Variants in RAP1GDS1 observed in about 807,000 individuals in gnomAD.
RAP1GDS1 encodes the protein Rap1 GTPase-GDP dissociation stimulator 1, also known as RAP1, GTP-GDP dissociation stimulator 1.
A neutral mutation model predicts 71.1 loss-of-function variants in RAP1GDS1; 35 were observed. The observed-to-expected ratio is 0.49, with a 90% CI of 0.38 to 0.65. The LOEUF (loss-of-function observed/expected upper bound fraction) is 0.65. RAP1GDS1 is among the 30% of genes least tolerant of loss of function. RAP1GDS1 has a pLI of 0.00. For missense variants in RAP1GDS1, 663 were observed against 706.1 expected (o/e 0.94, Z 0.69); for synonymous variants, 229 against 243.1 (o/e 0.94, Z 0.54).
At chr4:98,325,565 A>G (rs1732889185) in intron 2 of RAP1GDS1, among the ~76,000 whole-genome samples, 1 of 150,786 alleles carries the variant, frequency 6.6e-6, no homozygotes, top group Admixed American at 6.6e-5. Context: ...AATGTGGCAC[A>G]TATACACCAT....
chr4:98,422,252 C>G (rs1470112386), intron 12 of RAP1GDS1, among the ~76,000 whole-genome samples: 1 of 152,044 alleles, frequency 6.6e-6, no homozygotes, highest in Non-Finnish European at 1.5e-5. Context: ...GAGTCTTGCT[C>G]TCTCGCTCAG....
chr4:98,264,253 G>A (rs553053624), intron 1 of RAP1GDS1, among the ~76,000 whole-genome samples: 2 of 152,186 alleles, frequency 1.3e-5, no homozygotes, highest in African/African-American at 2.4e-5. Flanking sequence ...ACAATTAGCC[G>A]GGTGTGGTGG....
intron 1 of RAP1GDS1, 137 bp from the exon 2 acceptor site, chr4:98,293,271 C>A (rs990900601): frequency 1.8e-5 from 10 of 571,304 alleles, no homozygotes; most frequent in Non-Finnish European, 3.1e-5. Context: ...CAGTCTAATG[C>A]CATTTTGGAA....
intron 6 of RAP1GDS1, among the ~76,000 whole-genome samples, chr4:98,403,158 CAG>C (rs1219867410): frequency 1.3e-5 from 2 of 152,060 alleles, no homozygotes; most frequent in African/African-American, 4.8e-5. Flanking sequence ...GCATAGATAA[CAG>C]GGTATCTAGT....
At chr4:98,395,017 T>G (rs891281240) in intron 6 of RAP1GDS1, among the ~76,000 whole-genome samples, 2 of 152,178 alleles carry the variant, frequency 1.3e-5, no homozygotes, top group African/African-American at 4.8e-5. Flanking sequence ...ACTGATCACA[T>G]GACTTAGTGG....
chr4:98,286,910 AGAAT>A (rs1478491384), intron 1 of RAP1GDS1, among the ~76,000 whole-genome samples: 3 of 148,928 alleles, frequency 2.0e-5, no homozygotes, highest in Non-Finnish European at 4.5e-5. Context: ...AAAAAAAAAA[AGAAT>A]GAATGAAAAA....
intron 1 of RAP1GDS1, among the ~76,000 whole-genome samples, chr4:98,291,297 T>C (rs1726875679): frequency 6.6e-6 from 1 of 152,184 alleles, no homozygotes; most frequent in Admixed American, 6.6e-5. Context: ...TGTTGATATA[T>C]AGGAAAGAAA....
chr4:98,346,102 T>C (rs1024342241), intron 3 of RAP1GDS1, among the ~76,000 whole-genome samples: 5 of 152,206 alleles, frequency 3.3e-5, no homozygotes, highest in African/African-American at 9.6e-5. Context: ...ACCATCTGTT[T>C]TAACAAGTCC....
chr4:98,382,659 A>C (rs2110110690), intron 5 of RAP1GDS1, among the ~76,000 whole-genome samples: 1 of 151,790 alleles, frequency 6.6e-6, no homozygotes, highest in South Asian at 2.1e-4. Context: ...AATTTTGTTC[A>C]GTCATCCAGC....
At chr4:98,315,956 G>C (rs1730874164) in intron 2 of RAP1GDS1, among the ~76,000 whole-genome samples, 1 of 152,142 alleles carries the variant, frequency 6.6e-6, no homozygotes, top group South Asian at 2.1e-4. Flanking sequence ...TAGGAAATGT[G>C]AAAGGGAAAT....
chr4:98,417,464 T>G lies in RAP1GDS1; in HGVS notation c.1005T>G (p.Ala335=). 6.2e-7 allele frequency: 1 copy of G among 1,613,950 alleles called. No homozygotes were observed. Among genetic ancestry groups the G allele is most frequent in the South Asian group, 1.1e-5 (1 of 91,066 alleles). The change falls in exon 9 of 15, where the codon GCT becomes GCG. Residue 335 remains alanine (A), a synonymous_variant. Transcript: ENST00000408927. Reference sequence around the variant, plus strand: ...CAAATAACCACCAGCTACAGCTTGCTGGAGCATTGGCAATTGCAAATTTTG... The same window carrying G: ...CAAATAACCACCAGCTACAGCTTGCGGGAGCATTGGCAATTGCAAATTTTG... ...IPSNNHQLQL[A]GALAIANFAR... is the part of the protein sequence containing the mutation.
chr4:98,431,621 CTTAT>C (rs1193243455), intron 12 of RAP1GDS1, among the ~76,000 whole-genome samples: 2 of 152,178 alleles, frequency 1.3e-5, no homozygotes, highest in African/African-American at 4.8e-5. Flanking sequence ...GGCTTTACCA[CTTAT>C]TTATTGTCTG....
At chr4:98,385,004 A>G (rs1259579837) in intron 5 of RAP1GDS1, among the ~76,000 whole-genome samples, 2 of 151,514 alleles carry the variant, frequency 1.3e-5, no homozygotes, top group East Asian at 1.9e-4. Context: ...TGGTTTTCTC[A>G]TTTTTATTTG....
At chr4:98,404,707 T>C in intron 7 of RAP1GDS1, 105 bp downstream of exon 7, 1 of 1,335,686 alleles carries the variant, frequency 7.5e-7, no homozygotes, top group South Asian at 1.3e-5. Context: ...CATTCTTTAT[T>C]AGTGATATGT....
intron 7 of RAP1GDS1, among the ~76,000 whole-genome samples, chr4:98,412,386 G>A (rs915812600): frequency 1.1e-4 from 16 of 152,094 alleles, no homozygotes; most frequent in Non-Finnish European, 2.4e-4. Flanking sequence ...ATGGTGGCAT[G>A]CACTTTTAGT....
intron 1 of RAP1GDS1, among the ~76,000 whole-genome samples, chr4:98,269,471 A>G (rs1417929561): frequency 6.6e-6 from 1 of 152,164 alleles, no homozygotes; most frequent in Non-Finnish European, 1.5e-5. Context: ...AAATAAACAA[A>G]TGGGACTTCA....
At chr4:98,325,778 G>T (rs796191738) in intron 2 of RAP1GDS1, among the ~76,000 whole-genome samples, 13 of 119,446 alleles carry the variant, frequency 1.1e-4, no homozygotes, top group East Asian at 3.1e-4. Context: ...GTGGTGGGGT[G>T]GGGGGAGGGG....
At chr4:98,355,179 A>G (rs1180967641) in intron 4 of RAP1GDS1, among the ~76,000 whole-genome samples, 1 of 152,116 alleles carries the variant, frequency 6.6e-6, no homozygotes, top group Non-Finnish European at 1.5e-5. Flanking sequence ...TCCTTTTTAA[A>G]CAAGTTTTTA....
intron 2 of RAP1GDS1, 77 bp from the exon 3 acceptor site, chr4:98,343,062 G>C (rs1156276189): frequency 3.9e-5 from 55 of 1,416,446 alleles, no homozygotes; most frequent in Non-Finnish European, 4.9e-5. Flanking sequence ...AATTCTTGAA[G>C]AATTTATTGT....
Sources: allele counts gnomAD v4.1 joint callset (sites outside exome capture counted in the v4.1 genomes callset), GRCh38; gene constraint gnomAD v4.1.1; transcripts MANE v1.5; gene names NCBI Gene and HGNC (gene_info 2026-07-23, HGNC 2026-07-21).